The following NPAS3 variants were observed in gnomAD, a reference collection of about 807,000 sequenced individuals.
The protein encoded by NPAS3 is neuronal PAS domain-containing protein 3.
Under a neutral mutation model 73.1 loss-of-function variants are expected in NPAS3, and 14 were observed. The observed-to-expected ratio is 0.19, with a 90% CI of 0.13 to 0.30. The LOEUF is 0.30. Among genes scored for constraint, NPAS3 ranks in the 10% least tolerant of loss-of-function variants. The pLI is 1.00. For missense variants in NPAS3, 1,096 were observed against 1,250.0 expected (o/e 0.88, Z 1.86); for synonymous variants, 620 against 541.5 (o/e 1.14, Z -2.01).
intron 4 of NPAS3, among the ~76,000 whole-genome samples, chr14:33,419,862 T>C (rs576648889): frequency 6.6e-6 from 1 of 152,030 alleles, no homozygotes; most frequent in East Asian, 1.9e-4. Context: ...AAAGTGAGAT[T>C]GCGGGAGCAA....
At chr14:32,999,360 A>T (rs1249917591) in intron 1 of NPAS3, among the ~76,000 whole-genome samples, 1 of 151,960 alleles carries the variant, frequency 6.6e-6, no homozygotes, top group East Asian at 1.9e-4. Flanking sequence ...AAATACAAAA[A>T]ATTGGCTAGG....
intron 7 of NPAS3, among the ~76,000 whole-genome samples, chr14:33,747,224 G>A (rs999384511): frequency 6.6e-6 from 1 of 152,054 alleles, no homozygotes; most frequent in African/African-American, 2.4e-5. Context: ...TTAAGAAAAT[G>A]TGGCACATAG....
intron 5 of NPAS3, among the ~76,000 whole-genome samples, chr14:33,666,117 C>T (rs766931243): frequency 3.3e-5 from 5 of 152,110 alleles, no homozygotes; most frequent in Non-Finnish European, 5.9e-5. Flanking sequence ...AAGGGGAAAA[C>T]GGTTAATGAA....
At chr14:33,066,046 A>G (rs12587708) in intron 2 of NPAS3, among the ~76,000 whole-genome samples, 21,817 of 152,052 alleles carry the variant, frequency 0.14, 1,829 homozygotes, top group South Asian at 0.23. Context: ...TTGGTGAAGA[A>G]TATATTTTAT....
At chr14:33,169,102 A>G (rs949490857) in intron 2 of NPAS3, among the ~76,000 whole-genome samples, 1 of 152,204 alleles carries the variant, frequency 6.6e-6, no homozygotes, top group East Asian at 1.9e-4. Context: ...GGAAATATTG[A>G]TGACCTGGAT....
At chr14:33,003,103 T>G (rs534575944) in intron 1 of NPAS3, among the ~76,000 whole-genome samples, 136 of 151,798 alleles carry the variant, frequency 9.0e-4, no homozygotes, top group Non-Finnish European at 7.7e-4. Context: ...AGGACAAACA[T>G]TTCCTTACCT....
chr14:33,690,132 G>A (rs948392022), intron 6 of NPAS3, among the ~76,000 whole-genome samples: 4 of 152,170 alleles, frequency 2.6e-5, no homozygotes, highest in Non-Finnish European at 2.9e-5. Flanking sequence ...TTGGGTCTCC[G>A]CAACCCATGG....
intron 3 of NPAS3, among the ~76,000 whole-genome samples, chr14:33,248,397 A>G (rs1308236160): frequency 6.6e-6 from 1 of 152,226 alleles, no homozygotes; most frequent in East Asian, 1.9e-4. Context: ...TTTAAAATTG[A>G]TTATGAAATG....
intron 8 of NPAS3, among the ~76,000 whole-genome samples, chr14:33,776,174 C>T (rs1341040920): frequency 6.6e-6 from 1 of 152,070 alleles, no homozygotes; most frequent in Non-Finnish European, 1.5e-5. Flanking sequence ...AGTTACAGCC[C>T]ACAAAGCTAT....
chr14:33,302,087 GT>G, intron 3 of NPAS3, among the ~76,000 whole-genome samples: 1 of 152,172 alleles, frequency 6.6e-6, no homozygotes, highest in East Asian at 1.9e-4. Context: ...CTCAGTAAAT[GT>G]TTTTAAATAA....
At chr14:33,766,492 G>T (rs564753322) in intron 7 of NPAS3, among the ~76,000 whole-genome samples, 41 of 152,176 alleles carry the variant, frequency 2.7e-4, no homozygotes, top group Middle Eastern at 3.4e-3. Flanking sequence ...ACCAGCCTTC[G>T]TTCCTAACTT....
At chr14:33,750,197 T>G (rs1595549452) in intron 7 of NPAS3, among the ~76,000 whole-genome samples, 1 of 151,632 alleles carries the variant, frequency 6.6e-6, no homozygotes, top group East Asian at 1.9e-4. Flanking sequence ...GCTTGGGTTA[T>G]GATGATTTCA....
At chr14:33,302,331 T>C (rs1459274713) in intron 3 of NPAS3, among the ~76,000 whole-genome samples, 1 of 152,066 alleles carries the variant, frequency 6.6e-6, no homozygotes, top group South Asian at 2.1e-4. Flanking sequence ...TAGGTTAAGA[T>C]CTGAAAGAGT....
chr14:33,400,224 C>G (rs2047391875), intron 4 of NPAS3, among the ~76,000 whole-genome samples: 1 of 152,120 alleles, frequency 6.6e-6, no homozygotes, highest in Non-Finnish European at 1.5e-5. Flanking sequence ...ATCATACACA[C>G]TTGTGATTAA....
At chr14:33,591,889 A>G (rs546095888) in intron 5 of NPAS3, among the ~76,000 whole-genome samples, 2 of 152,322 alleles carry the variant, frequency 1.3e-5, no homozygotes, top group East Asian at 1.9e-4. Context: ...TGCTTAGAGT[A>G]TATGTGCACA....
chr14:33,178,226 C>G (rs991663091), intron 2 of NPAS3, among the ~76,000 whole-genome samples: 1 of 151,826 alleles, frequency 6.6e-6, no homozygotes, highest in African/African-American at 2.4e-5. Context: ...AGGTGCACAC[C>G]ACCACACCCA....
chr14:33,437,247 A>G (rs532974082), intron 4 of NPAS3, among the ~76,000 whole-genome samples: 8 of 152,340 alleles, frequency 5.3e-5, no homozygotes, highest in Admixed American at 2.6e-4. Flanking sequence ...TCTCATCAGC[A>G]GTCTGATGAG....
chr14:33,490,642 G>A (rs1213285289), intron 4 of NPAS3, among the ~76,000 whole-genome samples: 2 of 152,152 alleles, frequency 1.3e-5, no homozygotes, highest in Non-Finnish European at 2.9e-5. Context: ...AAATGGAAGG[G>A]CATGCACATG....
chr14:32,946,342 A>ACATG (rs1555374386), intron 1 of NPAS3, among the ~76,000 whole-genome samples: 15 of 89,382 alleles, frequency 1.7e-4, no homozygotes, highest in Non-Finnish European at 1.0e-4. Context: ...CAACACACAC[A>ACATG]CACGCGCACA....
Sources: allele counts gnomAD v4.1 joint callset (sites outside exome capture counted in the v4.1 genomes callset), GRCh38; gene constraint gnomAD v4.1.1; transcripts MANE v1.5; gene names NCBI Gene and HGNC (gene_info 2026-07-23, HGNC 2026-07-21).